RBFOX1: variants seen among roughly 807,000 people sequenced by gnomAD.
RBFOX1 encodes RNA binding protein fox-1 homolog 1.
RBFOX1 carries 8 observed loss-of-function variants against 57.7 expected under a neutral mutation model. The observed-to-expected ratio is 0.14, with a 90% CI of 0.08 to 0.25. RBFOX1 has a LOEUF of 0.25. Among genes scored for constraint, RBFOX1 ranks in the 10% least tolerant of loss-of-function variants. The pLI is 1.00. For synonymous variants in RBFOX1, 326 were observed against 222.4 expected, an observed-to-expected ratio of 1.47 and a Z score of -4.15; for missense variants, 611 against 548.5, an observed-to-expected ratio of 1.11 and a Z score of -1.14.
chr16:5,731,051 C>A lies in RBFOX1; in HGVS notation c.318+132090C>A, dbSNP rs2052351428. On this transcript the variant is annotated intron_variant, in intron 3 of 19. Coordinates refer to the RBFOX1 transcript ENST00000641259. ...TCATCACCATGAACATCACCACTGC[C>A]ATTGTCACCAATGTAAGCACCATCA... 3.4e-5 allele frequency among the ~76,000 whole-genome samples: 5 copies of A among 148,658 alleles called. No homozygotes were observed. In the South Asian group the frequency reaches 1.1e-3, roughly 31 times the overall value.
rs1803036740 is a variant in RBFOX1, at chr16:6,456,860, A to G, written c.-64+139803A>G. Reference sequence around the variant, plus strand: ...ATTCTGGTACCTTCTAGTTGGATTCATGTACCATTTAATGAGATGGCAGAA... The same window carrying G: ...ATTCTGGTACCTTCTAGTTGGATTCGTGTACCATTTAATGAGATGGCAGAA... On this transcript the variant is annotated intron_variant, in intron 2 of 15. Coordinates refer to ENST00000550418, the MANE Select transcript of RBFOX1 (RefSeq NM_018723.4). Among the ~76,000 whole-genome samples, 3 of 152,238 alleles carry G rather than the reference A, an allele frequency of 2.0e-5. 1 individual carries two copies. Among genetic ancestry groups the G allele is most frequent in the South Asian group, 4.1e-4 (2 of 4,830 alleles).
chr16:6,122,778 T>C (rs969078946), intron 1 of RBFOX1, among the ~76,000 whole-genome samples: 6 of 145,980 alleles, frequency 4.1e-5, no homozygotes, highest in African/African-American at 1.3e-4. Context: ...TTGCGGAATA[T>C]GATCTGTGTG....
At chr16:5,898,796 A>G (rs895163232) in intron 4 of RBFOX1, among the ~76,000 whole-genome samples, 6 of 151,988 alleles carry the variant, frequency 3.9e-5, no homozygotes, top group Non-Finnish European at 7.4e-5. Flanking sequence ...ACAGTGGCTC[A>G]TGCCTATAAT....
chr16:5,976,759 C>T (rs973407666), intron 4 of RBFOX1, among the ~76,000 whole-genome samples: 4 of 151,338 alleles, frequency 2.6e-5, no homozygotes, highest in South Asian at 4.1e-4. Flanking sequence ...ATCCCAGCTA[C>T]TTGGGGGGCT....
At chr16:6,978,688 GT>G (rs1481653122) in intron 3 of RBFOX1, among the ~76,000 whole-genome samples, 1 of 152,162 alleles carries the variant, frequency 6.6e-6, no homozygotes, top group African/African-American at 2.4e-5. Flanking sequence ...GGAAGCTGAG[GT>G]TTTGCCAATG....
At chr16:5,604,893 A>T (rs892633803), downstream of RBFOX1, among the ~76,000 whole-genome samples, 28 of 152,160 alleles carry the variant, frequency 1.8e-4, no homozygotes, top group Admixed American at 1.8e-3. Flanking sequence ...CCTCTGTAGG[A>T]CGTCCCCTGC....
intron 12 of RBFOX1, among the ~76,000 whole-genome samples, 167 bp downstream of exon 12, chr16:7,654,114 G>C (rs1001735530): frequency 6.6e-6 from 1 of 152,160 alleles, no homozygotes; most frequent in Admixed American, 6.5e-5. Flanking sequence ...ACCTTGCTAA[G>C]AGTATTGAAA....
At chr16:5,378,071 G>C (rs2066033079) in intron 1 of RBFOX1, among the ~76,000 whole-genome samples, 2 of 151,564 alleles carry the variant, frequency 1.3e-5, no homozygotes, top group Non-Finnish European at 2.9e-5. Context: ...GCACAGTGTT[G>C]CACTGCCTGC....
chr16:6,974,816 T>G (rs2086446287), intron 3 of RBFOX1, among the ~76,000 whole-genome samples: 1 of 152,170 alleles, frequency 6.6e-6, no homozygotes. Context: ...GTCACTCCCT[T>G]GGCTTGTAGT....
At chr16:6,237,950 G>A (rs909289277) in intron 1 of RBFOX1, among the ~76,000 whole-genome samples, 2 of 151,792 alleles carry the variant, frequency 1.3e-5, no homozygotes, top group East Asian at 2.0e-4. Context: ...AATTAGCCGG[G>A]CGTGGTGATG....
chr16:7,487,175 C>T lies in RBFOX1; in HGVS notation c.28-30972C>T, dbSNP rs547660450. On this transcript the variant is annotated intron_variant, in intron 4 of 15. Transcript: ENST00000550418. ...TCGGCCTCCAAAAGTGCTGGGATTA[C>T]ACGTGTGAGCCACTGCGCCTTAACC... is the stretch of plus-strand genomic sequence containing the variant. Among the ~76,000 whole-genome samples the T allele has an allele frequency of 5.9e-5, 9 of 152,320 alleles. No homozygotes were observed. The South Asian group carries it at 1.2e-3, about 21-fold the overall frequency.
chr16:7,630,578 T>A (rs1373753501), intron 10 of RBFOX1, 25 bp from the exon 11 acceptor site: 2 of 1,613,788 alleles, frequency 1.2e-6, no homozygotes, highest in South Asian at 2.2e-5. Context: ...CCAAACCAGA[T>A]ACCATCTCTC....
intron 1 of RBFOX1, among the ~76,000 whole-genome samples, chr16:6,196,071 C>G (rs1033856724): frequency 5.3e-5 from 8 of 152,168 alleles, no homozygotes; most frequent in Admixed American, 2.0e-4. Context: ...ACACAGTATG[C>G]TTACTATGGG....
chr16:7,319,081 G>GT (rs1470731989), intron 4 of RBFOX1, among the ~76,000 whole-genome samples: 10 of 152,108 alleles, frequency 6.6e-5, no homozygotes, highest in South Asian at 4.2e-4. Flanking sequence ...TTCTTTCTTT[G>GT]TTTTTTTATC....
intron 1 of RBFOX1, among the ~76,000 whole-genome samples, chr16:6,256,231 A>G (rs1206867113): frequency 7.7e-5 from 4 of 51,876 alleles, no homozygotes; most frequent in African/African-American, 2.0e-4. Context: ...GTATATATAT[A>G]TGTGTATATA....
chr16:7,699,674 G>C (rs372539488), intron 14 of RBFOX1, among the ~76,000 whole-genome samples: 1 of 151,990 alleles, frequency 6.6e-6, no homozygotes, highest in East Asian at 1.9e-4. Flanking sequence ...CAATAATTGT[G>C]AGTTACACAT....
chr16:7,078,748 T>C (rs1407248031), intron 4 of RBFOX1, among the ~76,000 whole-genome samples: 2 of 150,290 alleles, frequency 1.3e-5, no homozygotes, highest in African/African-American at 4.9e-5. Context: ...AATGGCATGA[T>C]CTAGGCTCAC....
chr16:6,558,230 A>G (rs767898112), intron 2 of RBFOX1, among the ~76,000 whole-genome samples: 1 of 152,114 alleles, frequency 6.6e-6, no homozygotes, highest in African/African-American at 2.4e-5. Flanking sequence ...AAATGACTCT[A>G]TGTGGCTCGT....
At chr16:7,204,333 T>C (rs2089452262) in intron 4 of RBFOX1, among the ~76,000 whole-genome samples, 1 of 152,202 alleles carries the variant, frequency 6.6e-6, no homozygotes, top group South Asian at 2.1e-4. Flanking sequence ...CACTTTAATA[T>C]TAGCATTCCC....
Sources: gnomAD v4.1 joint callset for allele counts (sites outside exome capture counted in the v4.1 genomes callset) on GRCh38, gnomAD v4.1.1 for gene constraint, MANE v1.5 for transcripts, NCBI Gene and HGNC (gene_info 2026-07-23, HGNC 2026-07-21) for gene names.